Variants in DNAH11 observed in about 807,000 individuals in gnomAD.
The protein encoded by DNAH11 is axonemal beta dynein heavy chain 11.
A neutral mutation model predicts 526.0 loss-of-function variants in DNAH11; 442 were observed. The ratio of observed to expected loss-of-function variants is 0.84; its 90% CI spans 0.78 to 0.91. The LOEUF is 0.91. Ranked by LOEUF, DNAH11 falls within the 40% of genes least tolerant of loss-of-function variation. The pLI is 0.00. For missense variants in DNAH11, 6,989 were observed against 5,448.7 expected, an observed-to-expected ratio of 1.28 and a Z score of -8.90; for synonymous variants, 2,461 against 1,935.9, an observed-to-expected ratio of 1.27 and a Z score of -7.12.
At chr7:21,582,131 C>G in intron 9 of DNAH11, 110 bp downstream of exon 9, 2 of 658,632 alleles carry the variant, frequency 3.0e-6, no homozygotes, top group Non-Finnish European at 5.3e-6. Flanking sequence ...GTTAACTAGT[C>G]ATATTCCCTT....
chr7:21,873,784 C>CTTTTTTTGTTTTTTT (rs1783591416), intron 74 of DNAH11, among the ~76,000 whole-genome samples: 1 of 70,700 alleles, frequency 1.4e-5, no homozygotes, highest in Non-Finnish European at 2.3e-5. Context: ...GAGGAGGTTG[C>CTTTTTTTGTTTTTTT]TTTTTTTTTT....
chr7:21,558,017 A>T (rs940653112), intron 2 of DNAH11, among the ~76,000 whole-genome samples: 6 of 152,254 alleles, frequency 3.9e-5, no homozygotes, highest in African/African-American at 1.2e-4. Context: ...TTTTTGTTTA[A>T]CTAGAAGATT....
At chr7:21,777,007 AAC>A (rs1787700952) in intron 56 of DNAH11, among the ~76,000 whole-genome samples, 1 of 151,732 alleles carries the variant, frequency 6.6e-6, no homozygotes, top group Admixed American at 6.6e-5. Context: ...GGTACTCACT[AAC>A]ACAGTCAAGA....
intron 57 of DNAH11, 97 bp from the exon 58 acceptor site, chr7:21,784,330 A>G: frequency 1.1e-6 from 1 of 895,042 alleles, no homozygotes; most frequent in Non-Finnish European, 1.8e-6. Flanking sequence ...AGAGAAATGA[A>G]TTATTTAACA....
At chr7:21,823,386 G>A (rs1790138215) in intron 65 of DNAH11, among the ~76,000 whole-genome samples, 1 of 151,708 alleles carries the variant, frequency 6.6e-6, no homozygotes, top group Non-Finnish European at 1.5e-5. Context: ...ATTTCTTCTT[G>A]ACACAGATAA....
intron 32 of DNAH11, among the ~76,000 whole-genome samples, chr7:21,686,538 A>T (rs188237474): frequency 1.3e-5 from 2 of 152,236 alleles, no homozygotes; most frequent in African/African-American, 4.8e-5. Context: ...GGATGTAGCA[A>T]CACATTCCAA....
chr7:21,583,984 T>A (rs1227502518), intron 9 of DNAH11, among the ~76,000 whole-genome samples: 1 of 151,912 alleles, frequency 6.6e-6, no homozygotes, highest in East Asian at 1.9e-4. Context: ...TTGGTGGGAG[T>A]GCAAATTAGT....
At chr7:21,552,665 C>T (rs1402688032) in intron 2 of DNAH11, among the ~76,000 whole-genome samples, 4 of 152,292 alleles carry the variant, frequency 2.6e-5, no homozygotes, top group East Asian at 1.9e-4. Context: ...TAAGATTTGA[C>T]GAAATACATT....
chr7:21,632,099 T>G (rs528754307), intron 25 of DNAH11, among the ~76,000 whole-genome samples: 1 of 152,322 alleles, frequency 6.6e-6, no homozygotes, highest in East Asian at 1.9e-4. Flanking sequence ...TGCTTGAGGT[T>G]TGCATCCTCT....
intron 61 of DNAH11, among the ~76,000 whole-genome samples, chr7:21,790,136 C>T (rs1287138656): frequency 6.6e-6 from 1 of 151,872 alleles, no homozygotes; most frequent in Non-Finnish European, 1.5e-5. Flanking sequence ...TGGTACTTGG[C>T]ACATAGTAAG....
intron 20 of DNAH11, 58 bp from the exon 21 acceptor site, chr7:21,615,056 C>G (rs1266752522): frequency 6.6e-7 from 1 of 1,515,590 alleles, no homozygotes; most frequent in Non-Finnish European, 8.9e-7. Context: ...AGCTACAGAA[C>G]TGCATGTCTT....
intron 20 of DNAH11, 77 bp from the exon 21 acceptor site, chr7:21,615,037 G>A (rs1785699575): frequency 7.1e-7 from 1 of 1,398,684 alleles, no homozygotes; most frequent in Non-Finnish European, 9.6e-7. Context: ...GAAATGTCGA[G>A]ATAACCAGAG....
At chr7:21,751,305 C>T in intron 54 of DNAH11, among the ~76,000 whole-genome samples, 1 of 152,150 alleles carries the variant, frequency 6.6e-6, no homozygotes, top group Non-Finnish European at 1.5e-5. Context: ...GCCTGGGTGA[C>T]AGAGTGACAC....
In DNAH11 at chr7:21,644,242, C is replaced by G. The variant is rs564444797; in HGVS notation, c.4944+5177C>G. ...CACTGGATCTTAAAGGAGCAAATAT[C>G]TAGACCCCACATTCCCACAAGCACA... On this transcript the variant is annotated intron_variant, in intron 28 of 81. Coordinates refer to ENST00000409508, the MANE Select transcript of DNAH11 (RefSeq NM_001277115.2). 7.2e-5 allele frequency among the ~76,000 whole-genome samples: 11 copies of G among 152,286 alleles called. No homozygotes were observed. In the South Asian group the frequency reaches 2.3e-3, roughly 32 times the overall value.
intron 6 of DNAH11, among the ~76,000 whole-genome samples, chr7:21,566,361 T>A (rs1379684392): frequency 6.6e-6 from 1 of 152,204 alleles, no homozygotes; most frequent in East Asian, 1.9e-4. Flanking sequence ...TTTCAGACTT[T>A]GTGGTAAATA....
At chr7:21,774,613 A>T (rs1417003170) in intron 56 of DNAH11, among the ~76,000 whole-genome samples, 1 of 152,228 alleles carries the variant, frequency 6.6e-6, no homozygotes, top group African/African-American at 2.4e-5. Flanking sequence ...AAAGGATTTC[A>T]TGAAGTAGTT....
intron 45 of DNAH11, among the ~76,000 whole-genome samples, chr7:21,727,679 C>T (rs1295555314): frequency 6.6e-6 from 1 of 152,132 alleles, no homozygotes; most frequent in East Asian, 1.9e-4. Context: ...TTTGGGAGTG[C>T]TGTATGAGTG....
At chr7:21,747,581 A>G (rs779718155) in intron 51 of DNAH11, among the ~76,000 whole-genome samples, 39 of 152,240 alleles carry the variant, frequency 2.6e-4, no homozygotes, top group Admixed American at 4.6e-4. Flanking sequence ...GAGTTTATTT[A>G]TAGCTGTAAA....
rs769776149 is a variant in DNAH11 at position 21,725,949 on chromosome 7, G to A, written c.7405G>A (p.Ala2469Thr). Residue 2469 changes from alanine to threonine, a missense_variant, in exon 45 of 82, where the codon GCC (alanine) becomes ACC (threonine). Coordinates refer to ENST00000409508, the MANE Select transcript of DNAH11 (RefSeq NM_001277115.2). The stretch of plus-strand genomic sequence containing the variant: ...ATTATTGCCCTGGGCTGACAAAATT[G>A]CCCAGTTTACTATGGATCCAGATGT... Reference protein sequence around the residue: ...KKLLPWADKIAQFTMDPDVPL... With the variant: ...KKLLPWADKITQFTMDPDVPL... The A allele has an allele frequency of 1.3e-6, 2 of 1,558,686 alleles. No individual in the cohort carries two copies. Among genetic ancestry groups the A allele is most frequent in the Non-Finnish European group, 1.7e-6 (2 of 1,150,368 alleles).
Sources: allele counts gnomAD v4.1 joint callset (sites outside exome capture counted in the v4.1 genomes callset), GRCh38; gene constraint gnomAD v4.1.1; transcripts MANE v1.5; gene names NCBI Gene and HGNC (gene_info 2026-07-23, HGNC 2026-07-21).